The following CTTNBP2 variants were observed in gnomAD, a reference collection of about 807,000 sequenced individuals.
CTTNBP2 encodes cortactin-binding protein 2.
In CTTNBP2, 108 loss-of-function variants were observed where a neutral mutation model predicts 156.9. The observed-to-expected ratio is 0.69, with a 90% confidence interval of 0.59 to 0.81. The LOEUF is 0.81. Ranked by LOEUF, CTTNBP2 falls within the 30% of genes least tolerant of loss-of-function variation. The probability of loss-of-function intolerance (pLI) is 0.00; values close to 1 mark genes in which losing one functional copy is unlikely to be tolerated. For synonymous variants in CTTNBP2, 767 were observed against 751.8 expected, an observed-to-expected ratio of 1.02 and a Z score of -0.33; for missense variants, 1,924 against 2,035.4, an observed-to-expected ratio of 0.95 and a Z score of 1.05.
chr7:117,729,500 C>T (rs1392041332), intron 16 of CTTNBP2, among the ~76,000 whole-genome samples: 1 of 151,986 alleles, frequency 6.6e-6, no homozygotes, highest in African/African-American at 2.4e-5. Context: ...TATTCTATGC[C>T]TATTTGTTAT....
chr7:117,716,929 A>G (rs1291486283), intron 22 of CTTNBP2, among the ~76,000 whole-genome samples: 3 of 152,228 alleles, frequency 2.0e-5, no homozygotes, highest in Admixed American at 2.0e-4. Context: ...CACCATGCTT[A>G]CTTTATAATC....
chr7:117,768,424 G>C (rs965130624), intron 8 of CTTNBP2, among the ~76,000 whole-genome samples: 5 of 151,778 alleles, frequency 3.3e-5, no homozygotes, highest in Non-Finnish European at 5.9e-5. Context: ...AAATTAGCCA[G>C]ACATTGTGGT....
intron 2 of CTTNBP2, among the ~76,000 whole-genome samples, chr7:117,812,416 G>A (rs1354221296): frequency 6.6e-6 from 1 of 151,944 alleles, no homozygotes; most frequent in Non-Finnish European, 1.5e-5. Flanking sequence ...AAAGGGAACT[G>A]AATTGGAAAA....
intron 9 of CTTNBP2, among the ~76,000 whole-genome samples, chr7:117,761,862 G>C (rs186946649): frequency 9.4e-4 from 143 of 152,148 alleles, no homozygotes; most frequent in Admixed American, 2.5e-3. Context: ...AAATTAAAAT[G>C]TTTTAAAACA....
intron 1 of CTTNBP2, among the ~76,000 whole-genome samples, chr7:117,867,905 A>G (rs1804316656): frequency 6.6e-6 from 1 of 152,208 alleles, no homozygotes; most frequent in African/African-American, 2.4e-5. Context: ...CTGACAAGGA[A>G]ACAATGTCAG....
intron 14 of CTTNBP2, among the ~76,000 whole-genome samples, chr7:117,742,602 G>C (rs1796082126): frequency 6.6e-6 from 1 of 152,114 alleles, no homozygotes; most frequent in Non-Finnish European, 1.5e-5. Context: ...AAAGTGAGGA[G>C]TTCCAGGAAA....
intron 16 of CTTNBP2, among the ~76,000 whole-genome samples, chr7:117,728,478 C>T (rs1795226887): frequency 6.6e-6 from 1 of 152,174 alleles, no homozygotes; most frequent in South Asian, 2.1e-4. Context: ...CTTTAATTCT[C>T]ACCATGAGCC....
At chr7:117,854,898 C>T (rs1803188145) in intron 2 of CTTNBP2, among the ~76,000 whole-genome samples, 1 of 152,156 alleles carries the variant, frequency 6.6e-6, no homozygotes, top group Admixed American at 6.5e-5. Flanking sequence ...GATTCTCCTG[C>T]CTCAACCTCT....
chr7:117,862,619 C>A (rs1457140691), intron 1 of CTTNBP2, among the ~76,000 whole-genome samples: 2 of 152,184 alleles, frequency 1.3e-5, no homozygotes, highest in Non-Finnish European at 2.9e-5. Flanking sequence ...CCCTTCTGTA[C>A]ACAAACTCAT....
intron 17 of CTTNBP2, among the ~76,000 whole-genome samples, chr7:117,727,606 TAAC>T (rs1795164376): frequency 6.6e-6 from 1 of 152,224 alleles, no homozygotes; most frequent in Non-Finnish European, 1.5e-5. Context: ...AACTGGATGG[TAAC>T]AAATTTTTTC....
chr7:117,756,981 A>T (rs775758645), intron 11 of CTTNBP2, among the ~76,000 whole-genome samples: 1 of 152,186 alleles, frequency 6.6e-6, no homozygotes, highest in African/African-American at 2.4e-5. Flanking sequence ...GATGTTTTAC[A>T]GTTCATAAGT....
chr7:117,812,150 G>T (rs553380673), intron 2 of CTTNBP2, among the ~76,000 whole-genome samples: 2 of 151,718 alleles, frequency 1.3e-5, no homozygotes, highest in Non-Finnish European at 2.9e-5. Context: ...TCACACCCAC[G>T]CAATGAGGAC....
chr7:117,811,191 T>A (rs1266357296), intron 2 of CTTNBP2, among the ~76,000 whole-genome samples: 1 of 152,184 alleles, frequency 6.6e-6, no homozygotes, highest in African/African-American at 2.4e-5. Flanking sequence ...GCTTTCAAAT[T>A]TTCTTCAAGA....
chr7:117,844,933 G>GTGAA (rs1262710919), intron 2 of CTTNBP2, among the ~76,000 whole-genome samples: 2 of 152,182 alleles, frequency 1.3e-5, no homozygotes, highest in Admixed American at 1.3e-4. Flanking sequence ...TCTCAGAAGA[G>GTGAA]TGAAGAAAGT....
intron 2 of CTTNBP2, among the ~76,000 whole-genome samples, chr7:117,829,516 T>C (rs1373408446): frequency 6.6e-6 from 1 of 152,142 alleles, no homozygotes; most frequent in Non-Finnish European, 1.5e-5. Flanking sequence ...CTGCACACCT[T>C]TTCTTTGTAT....
At chr7:117,717,009 T>G (rs75412109) in intron 22 of CTTNBP2, among the ~76,000 whole-genome samples, 2 of 828 alleles carry the variant, frequency 2.4e-3, no homozygotes, top group Admixed American at 9.3e-3. Context: ...CCAAGGTGGC[T>G]TACAATCAAT....
At chr7:117,755,600 T>A (rs1423660072) in intron 12 of CTTNBP2, 1 of 465,666 alleles carries the variant, frequency 2.1e-6, no homozygotes, top group Non-Finnish European at 4.4e-6. Context: ...AATTATCTCA[T>A]AGGGATGTTT....
At chr7:117,801,271 T>C (rs1245997620) in intron 3 of CTTNBP2, among the ~76,000 whole-genome samples, 1 of 152,206 alleles carries the variant, frequency 6.6e-6, no homozygotes, top group Non-Finnish European at 1.5e-5. Flanking sequence ...AATTAGTTAT[T>C]AATACAAAAG....
chr7:117,782,557 C>T (rs1798489078), intron 6 of CTTNBP2, among the ~76,000 whole-genome samples: 1 of 152,182 alleles, frequency 6.6e-6, no homozygotes, highest in Admixed American at 6.5e-5. Context: ...AAACAAACTT[C>T]TCAACAGTCC....
Sources: allele counts gnomAD v4.1 joint callset (sites outside exome capture counted in the v4.1 genomes callset), GRCh38; gene constraint gnomAD v4.1.1; transcripts MANE v1.5; gene names NCBI Gene and HGNC (gene_info 2026-07-23, HGNC 2026-07-21).